NUBPL: variants seen among roughly 807,000 people sequenced by gnomAD.
The protein encoded by NUBPL is iron-sulfur cluster transfer protein NUBPL.
A neutral mutation model predicts 45.7 loss-of-function variants in NUBPL; 31 were observed. That is an observed-to-expected ratio of 0.68 (90% CI 0.51 to 0.92). The LOEUF (loss-of-function observed/expected upper bound fraction) is 0.92, where lower values mean the gene tolerates loss of function less well. Among genes scored for constraint, NUBPL ranks in the 40% least tolerant of loss-of-function variants. NUBPL has a pLI of 0.00. For missense variants in NUBPL, 401 were observed against 398.7 expected, an observed-to-expected ratio of 1.01 and a Z score of -0.05; for synonymous variants, 144 against 140.9, an observed-to-expected ratio of 1.02 and a Z score of -0.15.
chr14:31,834,471 G>A (rs564027293), intron 8 of NUBPL, among the ~76,000 whole-genome samples: 41 of 152,216 alleles, frequency 2.7e-4, no homozygotes, highest in East Asian at 1.5e-3. Flanking sequence ...GAGCCACTGC[G>A]CCTGGCCGGT....
chr14:31,598,086 A>G (rs542484926), intron 3 of NUBPL, among the ~76,000 whole-genome samples: 1 of 152,096 alleles, frequency 6.6e-6, no homozygotes, highest in African/African-American at 2.4e-5. Context: ...TTTCTCATTT[A>G]TTTTACATAA....
intron 8 of NUBPL, among the ~76,000 whole-genome samples, chr14:31,840,945 T>C (rs1350942331): frequency 2.0e-5 from 3 of 152,236 alleles, no homozygotes; most frequent in African/African-American, 4.8e-5. Flanking sequence ...CAGAATAATA[T>C]AGTGTTATAC....
chr14:31,708,168 CTG>C (rs2037494847), intron 6 of NUBPL, among the ~76,000 whole-genome samples: 1 of 152,212 alleles, frequency 6.6e-6, no homozygotes, highest in South Asian at 2.1e-4. Context: ...TCTCCACTGA[CTG>C]TTTGGTTTTT....
At chr14:31,727,183 G>T (rs563546465) in intron 6 of NUBPL, among the ~76,000 whole-genome samples, 2 of 152,302 alleles carry the variant, frequency 1.3e-5, no homozygotes, top group East Asian at 3.9e-4. Flanking sequence ...CTGTGCACTA[G>T]TATGAGCTGT....
chr14:31,631,339 C>T (rs368763083), intron 4 of NUBPL, among the ~76,000 whole-genome samples: 1 of 151,824 alleles, frequency 6.6e-6, no homozygotes, highest in Admixed American at 6.6e-5. Flanking sequence ...TTTTTTCCCT[C>T]TATGTATTCT....
chr14:31,704,146 T>G (rs984241559), intron 6 of NUBPL, among the ~76,000 whole-genome samples: 1 of 152,142 alleles, frequency 6.6e-6, no homozygotes, highest in Non-Finnish European at 1.5e-5. Flanking sequence ...TCTGTGAGTA[T>G]TGGCCTCTTG....
At chr14:31,658,244 A>G (rs1443144) in intron 4 of NUBPL, among the ~76,000 whole-genome samples, 45,094 of 152,044 alleles carry the variant, frequency 0.3, 7,529 homozygotes, top group South Asian at 0.41. Context: ...TTGGATATGT[A>G]TGTGAAAAGA....
chr14:31,690,202 G>A (rs899094999), intron 6 of NUBPL, among the ~76,000 whole-genome samples: 2 of 152,148 alleles, frequency 1.3e-5, no homozygotes, highest in African/African-American at 4.8e-5. Context: ...GTGCAGTTAG[G>A]TTTATGATCA....
Position 31,811,657 on chromosome 14 carries a change from G to A in NUBPL, c.608-14972G>A, listed in dbSNP as rs143042540. On this transcript the variant is annotated intron_variant, in intron 7 of 10. Coordinates refer to ENST00000281081, the MANE Select transcript of NUBPL (RefSeq NM_025152.3). ...GTCATTCTTTGTCCTGCTTTGTTCC[G>A]TTGCTGGTGAGGAGTTGTGATCCTT... is the stretch of plus-strand genomic sequence containing the variant. Among the ~76,000 whole-genome samples, 299 of 152,216 alleles carry A rather than the reference G, an allele frequency of 2.0e-3. 1 individual carries two copies. Among genetic ancestry groups the A allele is most frequent in the African/African-American group, 6.8e-3 (284 of 41,518 alleles).
intron 4 of NUBPL, among the ~76,000 whole-genome samples, chr14:31,618,237 A>C (rs1034157247): frequency 6.6e-6 from 1 of 151,944 alleles, no homozygotes; most frequent in Non-Finnish European, 1.5e-5. Context: ...TCCTGGATTC[A>C]TTGATTTTTT....
At chr14:31,597,273 C>T (rs759432618) in intron 3 of NUBPL, among the ~76,000 whole-genome samples, 1 of 152,070 alleles carries the variant, frequency 6.6e-6, no homozygotes, top group Non-Finnish European at 1.5e-5. Flanking sequence ...CAGAAGAATT[C>T]GAAAATCTTG....
intron 4 of NUBPL, among the ~76,000 whole-genome samples, chr14:31,644,762 A>G (rs909108470): frequency 1.3e-5 from 2 of 152,130 alleles, no homozygotes; most frequent in Non-Finnish European, 2.9e-5. Context: ...ATCCCCTACT[A>G]TTACCATATT....
At chr14:31,664,747 C>A (rs2036363429) in intron 4 of NUBPL, among the ~76,000 whole-genome samples, 1 of 152,122 alleles carries the variant, frequency 6.6e-6, no homozygotes, top group Non-Finnish European at 1.5e-5. Flanking sequence ...TGATGCTGGC[C>A]TCATAAAATG....
intron 6 of NUBPL, among the ~76,000 whole-genome samples, chr14:31,745,692 G>A (rs781059567): frequency 2.6e-5 from 4 of 151,946 alleles, no homozygotes; most frequent in Non-Finnish European, 5.9e-5. Flanking sequence ...GGTGGAGTTT[G>A]TGGGGTGCAC....
chr14:31,827,787 G>A (rs2040129577), intron 8 of NUBPL, among the ~76,000 whole-genome samples: 1 of 152,188 alleles, frequency 6.6e-6, no homozygotes, highest in South Asian at 2.1e-4. Flanking sequence ...AGATTCTTCA[G>A]TGAGACCATG....
At chr14:31,829,861 G>A (rs764859500) in intron 8 of NUBPL, among the ~76,000 whole-genome samples, 1 of 152,168 alleles carries the variant, frequency 6.6e-6, no homozygotes, top group East Asian at 1.9e-4. Context: ...TGAAATGATA[G>A]CAACTATGCC....
chr14:31,639,434 C>G (rs1458451919), intron 4 of NUBPL, among the ~76,000 whole-genome samples: 1 of 152,178 alleles, frequency 6.6e-6, no homozygotes, highest in Admixed American at 6.5e-5. Flanking sequence ...ATGATCGTTC[C>G]TCTGGAAGTT....
chr14:31,603,570 C>T (rs571493167), intron 4 of NUBPL, among the ~76,000 whole-genome samples: 2 of 152,238 alleles, frequency 1.3e-5, no homozygotes, highest in East Asian at 3.9e-4. Flanking sequence ...GTTAATTCAG[C>T]ATTGCTTACC....
intron 7 of NUBPL, among the ~76,000 whole-genome samples, chr14:31,790,438 G>A (rs1297570349): frequency 6.6e-6 from 1 of 152,018 alleles, no homozygotes; most frequent in African/African-American, 2.4e-5. Flanking sequence ...TTGTTGTGGT[G>A]GTGAAATGTG....
Sources: allele counts gnomAD v4.1 joint callset (sites outside exome capture counted in the v4.1 genomes callset), GRCh38; gene constraint gnomAD v4.1.1; transcripts MANE v1.5; gene names NCBI Gene and HGNC (gene_info 2026-07-23, HGNC 2026-07-21).